The following SPATA18 variants were observed in gnomAD, a reference collection of about 807,000 sequenced individuals.
SPATA18 encodes the protein mitochondria-eating protein.
A neutral mutation model predicts 68.1 loss-of-function variants in SPATA18; 54 were observed. That is an observed-to-expected ratio of 0.79 (90% CI 0.64 to 0.99). SPATA18 has a LOEUF of 0.99. SPATA18 is among the 50% of genes least tolerant of loss of function. The pLI is 0.00. For missense variants in SPATA18, 724 were observed against 681.1 expected, an observed-to-expected ratio of 1.06 and a Z score of -0.70; for synonymous variants, 242 against 244.8, an observed-to-expected ratio of 0.99 and a Z score of 0.11.
chr4:52,071,425 C>G (rs372449578), intron 5 of SPATA18, among the ~76,000 whole-genome samples: 4 of 152,180 alleles, frequency 2.6e-5, no homozygotes, highest in Non-Finnish European at 5.9e-5. Context: ...GTAGTTTTCT[C>G]TCATATTCCA....
intron 4 of SPATA18, among the ~76,000 whole-genome samples, chr4:52,063,101 A>G (rs1739027268): frequency 6.6e-6 from 1 of 152,164 alleles, no homozygotes; most frequent in Non-Finnish European, 1.5e-5. Flanking sequence ...AATTTCTCCT[A>G]CCACAGCATT....
intron 8 of SPATA18, among the ~76,000 whole-genome samples, chr4:52,079,481 A>G (rs1459332036): frequency 2.0e-5 from 3 of 152,206 alleles, no homozygotes; most frequent in Non-Finnish European, 4.4e-5. Context: ...TGATAAATAA[A>G]AGCCACAGAA....
chr4:52,081,031 G>C (rs928808291), intron 9 of SPATA18, among the ~76,000 whole-genome samples: 7 of 152,158 alleles, frequency 4.6e-5, no homozygotes, highest in Non-Finnish European at 1.0e-4. Flanking sequence ...CTCCAACATG[G>C]ATCAACTCAT....
chr4:52,090,335 G>T (rs1403561752), intron 11 of SPATA18, among the ~76,000 whole-genome samples: 1 of 152,166 alleles, frequency 6.6e-6, no homozygotes, highest in East Asian at 1.9e-4. Flanking sequence ...GATGCTAGCT[G>T]ATTGTTTTGC....
At chr4:52,064,524 G>A (rs2109431584) in intron 4 of SPATA18, among the ~76,000 whole-genome samples, 1 of 152,166 alleles carries the variant, frequency 6.6e-6, no homozygotes, top group East Asian at 1.9e-4. Flanking sequence ...AGAACCATAT[G>A]GTATTTGGTT....
At chr4:52,081,954 C>T (rs368907704) in intron 9 of SPATA18, among the ~76,000 whole-genome samples, 12 of 152,212 alleles carry the variant, frequency 7.9e-5, no homozygotes, top group African/African-American at 2.4e-4. Flanking sequence ...AGGTTTCTGT[C>T]GATCCATTAA....
intron 6 of SPATA18, 57 bp from the exon 7 acceptor site, chr4:52,076,722 G>A (rs1740379199): frequency 1.3e-6 from 2 of 1,593,342 alleles, no homozygotes; most frequent in Admixed American, 3.5e-5. Flanking sequence ...GATGATCTTT[G>A]CTTTACTTAA....
At position 52,072,081 on chromosome 4, in the gene SPATA18, A is replaced by G; in HGVS notation, c.683A>G (p.Asp228Gly). ...CAGCAGGACACAGAAGCCATGTCCGATTATAAGAAACAGCTCCGAAACCTG... is the reference window on the plus strand; with the variant it reads ...CAGCAGGACACAGAAGCCATGTCCGGTTATAAGAAACAGCTCCGAAACCTG... ...ADQQDTEAMS[D>G]YKKQLRNLKE... Residue 228 changes from aspartate to glycine, a missense_variant, in exon 6 of 13, where the codon GAT (aspartate) becomes GGT (glycine). By Grantham distance (94) the Asp-to-Gly change is moderately conservative. Coordinates refer to ENST00000295213, the MANE Select transcript of SPATA18 (RefSeq NM_145263.4). 6.2e-7 allele frequency: 1 copy of G among 1,614,056 alleles called. No homozygotes were observed. The highest frequency in any genetic ancestry group is 8.5e-7 in the Non-Finnish European group (1 of 1,180,016).
intron 7 of SPATA18, among the ~76,000 whole-genome samples, chr4:52,078,108 T>TTA (rs1408298430): frequency 6.7e-6 from 1 of 148,832 alleles, no homozygotes; most frequent in African/African-American, 2.5e-5. Context: ...TAAAGGGTTG[T>TTA]AAAAAAAAAA....
At chr4:52,077,488 A>G (rs1446536679) in intron 7 of SPATA18, among the ~76,000 whole-genome samples, 2 of 151,288 alleles carry the variant, frequency 1.3e-5, no homozygotes, top group African/African-American at 4.9e-5. Flanking sequence ...ACAATCGATA[A>G]CTATTCATAT....
In SPATA18 at chr4:52,062,333, G is replaced by C. The variant is rs775548070; in HGVS notation, c.422+1G>C. 8 of 1,572,526 alleles carry C rather than the reference G, an allele frequency of 5.1e-6. No individual in the cohort carries two copies. The South Asian group carries it at 9.3e-5, about 18-fold the overall frequency. On this transcript the variant is annotated splice_donor_variant, in intron 4 of 12. Transcript: ENST00000295213. LOFTEE classifies it high-confidence loss of function. ...GTCAATGCAACCAGGTTCAAGACGA[G>C]TAAGAGGAATGCAAGTTATCTTTTT...
At chr4:52,076,021 A>G (rs28711591) in intron 6 of SPATA18, among the ~76,000 whole-genome samples, 19,907 of 152,302 alleles carry the variant, frequency 0.13, 1,501 homozygotes, top group South Asian at 0.28. Context: ...ATCAGACATT[A>G]GAAAAGGGAC....
chr4:52,065,407 A>T (rs1306306332), intron 4 of SPATA18, among the ~76,000 whole-genome samples: 1 of 151,884 alleles, frequency 6.6e-6, no homozygotes, highest in Non-Finnish European at 1.5e-5. Flanking sequence ...TATCTTCTAG[A>T]CTGTTTGTGG....
chr4:52,060,594 TTC>T, intron 2 of SPATA18, 70 bp downstream of exon 2: 1 of 1,462,078 alleles, frequency 6.8e-7, no homozygotes, highest in Admixed American at 1.8e-5. Flanking sequence ...CTTTTTTGTG[TTC>T]TTTGACTGTT....
intron 11 of SPATA18, among the ~76,000 whole-genome samples, chr4:52,090,586 T>G (rs1018229826): frequency 1.5e-4 from 23 of 152,226 alleles, no homozygotes; most frequent in African/African-American, 5.3e-4. Flanking sequence ...AATTCTTTTC[T>G]TTAATGAACG....
intron 11 of SPATA18, among the ~76,000 whole-genome samples, chr4:52,088,254 C>A (rs1271822810): frequency 1.3e-5 from 2 of 151,968 alleles, no homozygotes; most frequent in Admixed American, 6.6e-5. Context: ...CTATTTGAAT[C>A]CCCTTTATTT....
At chr4:52,078,638 A>G in intron 7 of SPATA18, 97 bp from the exon 8 acceptor site, 2 of 1,115,342 alleles carry the variant, frequency 1.8e-6, no homozygotes, top group Non-Finnish European at 2.5e-6. Flanking sequence ...CAGAAGACCA[A>G]TATGATGTTG....
In SPATA18 at chr4:52,078,817, C is replaced by T. The variant is rs1177334238; in HGVS notation, c.1103C>T (p.Ser368Leu). 4 of 1,609,564 alleles carry T rather than the reference C, an allele frequency of 2.5e-6. No homozygotes were observed. The highest frequency in any genetic ancestry group is 1.7e-5 in the Admixed American group (1 of 59,976). Residue 368 changes from serine (S) to leucine (L), a missense_variant, in exon 8 of 13, where the codon TCG becomes TTG. Transcript: ENST00000295213. ...RKSLTPSYVG[S>L]NDFENAVLDY... ...TCGTTGACACCATCTTATGTGGGGT[C>T]GAATGACTTTGAGAATGCTGTCTTG...
Position 52,062,313 on chromosome 4 carries a change from T to C in SPATA18, c.403T>C (p.Cys135Arg), listed in dbSNP as rs2109424405. The change falls in exon 4 of 13, where the codon TGC (cysteine) becomes CGC (arginine). Residue 135 changes from cysteine (C) to arginine (R), a missense_variant. By Grantham distance (180) the Cys-to-Arg change is radical. Transcript: ENST00000295213. ...TAATTTGAACTCAACCCGGAGTCAA[T>C]GCAACCAGGTTCAAGACGAGTAAGA... ...DSNLNSTRSQ[C>R]NQVQDDLVET... 1.9e-6 allele frequency: 3 copies of C among 1,609,406 alleles called. No homozygotes were observed. The highest frequency in any genetic ancestry group is 2.5e-6 in the Non-Finnish European group (3 of 1,177,196).
Sources: allele counts gnomAD v4.1 joint callset (sites outside exome capture counted in the v4.1 genomes callset), GRCh38; gene constraint gnomAD v4.1.1; transcripts MANE v1.5; gene names NCBI Gene and HGNC (gene_info 2026-07-23, HGNC 2026-07-21).